The following DSCAML1 variants were observed in gnomAD, a reference collection of about 807,000 sequenced individuals.
DSCAML1 encodes the protein cell adhesion molecule DSCAML1.
Under a neutral mutation model 200.5 loss-of-function variants are expected in DSCAML1, and 38 were observed. That is an observed-to-expected ratio of 0.19 (90% confidence interval 0.15 to 0.25). The LOEUF (loss-of-function observed/expected upper bound fraction) is 0.25. Among genes scored for constraint, DSCAML1 ranks in the 10% least tolerant of loss-of-function variants. The probability of loss-of-function intolerance (pLI) is 1.00; values close to 1 mark genes in which losing one functional copy is unlikely to be tolerated. For missense variants in DSCAML1, 2,223 were observed against 2,858.8 expected, an observed-to-expected ratio of 0.78 and a Z score of 5.07; for synonymous variants, 1,215 against 1,165.0, an observed-to-expected ratio of 1.04 and a Z score of -0.87.
chr11:117,532,461 G>A lies in DSCAML1; in HGVS notation c.573C>T (p.Asp191=), dbSNP rs1046952382. ...GLYISDVQKE[D]ALSTYRCITK... is the part of the protein sequence containing the mutation. ...TGATGCAGCGATAGGTGGAGAGGGC[G>A]TCCTCCTTCTGTACGTCAGAGATGT... The change falls in exon 4 of 33, where the codon GAC becomes GAT. Residue 191 remains aspartate, a synonymous_variant. Coordinates refer to ENST00000651296, the MANE Select transcript of DSCAML1 (RefSeq NM_020693.4). The A allele has an allele frequency of 4.3e-6, 7 of 1,614,026 alleles. No homozygotes were observed. Among genetic ancestry groups the A allele is most frequent in the Admixed American group, 1.7e-5 (1 of 59,992 alleles).
chr11:117,644,880 G>A (rs1269401390), intron 3 of DSCAML1, among the ~76,000 whole-genome samples: 4 of 152,224 alleles, frequency 2.6e-5, no homozygotes, highest in Non-Finnish European at 5.9e-5. Context: ...CCGGGGCAGC[G>A]TCCTCTGCAC....
intron 3 of DSCAML1, among the ~76,000 whole-genome samples, chr11:117,605,426 A>G (rs1011962219): frequency 1.3e-5 from 2 of 152,118 alleles, no homozygotes; most frequent in Admixed American, 1.3e-4. Flanking sequence ...CCCTCTCCCC[A>G]CGCACAGAGT....
chr11:117,751,626 T>C (rs970969792), intron 3 of DSCAML1, among the ~76,000 whole-genome samples: 6 of 152,090 alleles, frequency 3.9e-5, no homozygotes, highest in African/African-American at 1.4e-4. Flanking sequence ...TCAGTGATGC[T>C]CTTAGTGCCA....
intron 3 of DSCAML1, among the ~76,000 whole-genome samples, chr11:117,720,277 C>T (rs966220583): frequency 6.6e-6 from 1 of 152,084 alleles, no homozygotes; most frequent in African/African-American, 2.4e-5. Context: ...CTGACAGGGC[C>T]CCAAACAAGC....
At chr11:117,684,462 A>AG (rs1165238463) in intron 3 of DSCAML1, among the ~76,000 whole-genome samples, 63 of 129,990 alleles carry the variant, frequency 4.8e-4, no homozygotes, top group South Asian at 1.0e-3. Context: ...AAAAAAAAAG[A>AG]AAAAAAGAGG....
Position 117,437,796 on chromosome 11 carries a change from C to T in DSCAML1, c.4432+99G>A. 1 of 1,340,090 alleles carries T rather than the reference C, an allele frequency of 7.5e-7. No homozygotes were observed. The highest frequency in any genetic ancestry group is 2.5e-5 in the East Asian group (1 of 39,538). 83.0% of individuals were successfully genotyped at this position (1,340,090 alleles called of 1,614,324 possible). On this transcript the variant is annotated intron_variant, in intron 25 of 32. Coordinates refer to ENST00000651296, the MANE Select transcript of DSCAML1 (RefSeq NM_020693.4). The surrounding 1 kb of genome is among the most constrained non-coding windows in gnomAD (Gnocchi z 5.3). ...GTCTCCCTGCATCCCTGGACCCCTC[C>T]TTCCCCACCCCAGCCACCTTACACC...
chr11:117,583,791 C>T (rs7948446), intron 3 of DSCAML1, among the ~76,000 whole-genome samples: 59,995 of 152,172 alleles, frequency 0.39, 12,668 homozygotes, highest in Non-Finnish European at 0.46. Flanking sequence ...GCTGAATCCA[C>T]GAATGTCAGA....
intron 3 of DSCAML1, among the ~76,000 whole-genome samples, chr11:117,568,663 G>A (rs2050796534): frequency 6.6e-6 from 1 of 152,118 alleles, no homozygotes. Context: ...CAACTTACAA[G>A]GGACATGAAC....
intron 1 of DSCAML1, among the ~76,000 whole-genome samples, chr11:117,808,276 G>C (rs1248303724): frequency 6.6e-6 from 1 of 152,214 alleles, no homozygotes; most frequent in African/African-American, 2.4e-5. Context: ...ACAAAATATA[G>C]AATTAGAAGG....
intron 3 of DSCAML1, among the ~76,000 whole-genome samples, chr11:117,590,541 C>T (rs907337618): frequency 6.6e-6 from 1 of 152,168 alleles, no homozygotes; most frequent in African/African-American, 2.4e-5. Context: ...CCAGAACTGC[C>T]TGTTCCTCCC....
intron 3 of DSCAML1, among the ~76,000 whole-genome samples, chr11:117,603,365 A>G (rs892681202): frequency 6.6e-6 from 1 of 152,226 alleles, no homozygotes; most frequent in African/African-American, 2.4e-5. Context: ...CCCCACGTGT[A>G]AATCACATGG....
chr11:117,775,608 C>A (rs1328713826), intron 3 of DSCAML1, among the ~76,000 whole-genome samples: 1 of 152,014 alleles, frequency 6.6e-6, no homozygotes, highest in East Asian at 1.9e-4. Context: ...CAAAGAAAGT[C>A]TCCTGCTGCA....
chr11:117,773,663 T>C (rs2134040935), intron 3 of DSCAML1, among the ~76,000 whole-genome samples: 1 of 152,282 alleles, frequency 6.6e-6, no homozygotes, highest in East Asian at 1.9e-4. Flanking sequence ...AATTAAAGCA[T>C]GTGGCATGTG....
chr11:117,743,179 T>C (rs1206527835), intron 3 of DSCAML1, among the ~76,000 whole-genome samples: 1 of 152,160 alleles, frequency 6.6e-6, no homozygotes, highest in Non-Finnish European at 1.5e-5. Flanking sequence ...GAGAAGTCAA[T>C]AAGCAGTGAC....
At chr11:117,614,041 C>T (rs1449856537) in intron 3 of DSCAML1, among the ~76,000 whole-genome samples, 6 of 152,130 alleles carry the variant, frequency 3.9e-5, no homozygotes, top group African/African-American at 1.4e-4. Context: ...GTTACTTTTC[C>T]TTTCCTGGAA....
At chr11:117,788,308 GTTTTGT>G (rs536848160) in intron 1 of DSCAML1, among the ~76,000 whole-genome samples, 11 of 152,186 alleles carry the variant, frequency 7.2e-5, no homozygotes, top group African/African-American at 1.2e-4. Flanking sequence ...TGTTGTTGTT[GTTTTGT>G]TTTTGTTTTT....
At chr11:117,471,235 G>A (rs1163105673) in intron 15 of DSCAML1, among the ~76,000 whole-genome samples, 6 of 151,510 alleles carry the variant, frequency 4.0e-5, no homozygotes, top group Non-Finnish European at 7.4e-5. Context: ...GCAGTGGTGC[G>A]ATCTTGGCTC....
intron 3 of DSCAML1, among the ~76,000 whole-genome samples, chr11:117,563,185 T>C (rs2050696776): frequency 6.6e-6 from 1 of 152,036 alleles, no homozygotes; most frequent in Non-Finnish European, 1.5e-5. Flanking sequence ...CTGGGGCAGG[T>C]TGTCTTTTAT....
chr11:117,512,761 T>TCACACACACA (rs71037482), intron 8 of DSCAML1, among the ~76,000 whole-genome samples: 62 of 113,150 alleles, frequency 5.5e-4, no homozygotes, highest in African/African-American at 9.8e-4. Context: ...TCCTCTAGGA[T>TCACACACACA]CACACACACA....
Sources: gnomAD v4.1 joint callset for allele counts (sites outside exome capture counted in the v4.1 genomes callset) on GRCh38, gnomAD v4.1.1 for gene constraint, Gnocchi (gnomAD v3.1) non-coding constraint, MANE v1.5 for transcripts, NCBI Gene and HGNC (gene_info 2026-07-23, HGNC 2026-07-21) for gene names.